Variants in SASH1 observed in about 807,000 individuals in gnomAD.
The protein encoded by SASH1 is SAM and SH3 domain-containing protein 1.
A neutral mutation model predicts 125.2 loss-of-function variants in SASH1; 44 were observed. That is an observed-to-expected ratio of 0.35 (90% CI 0.28 to 0.45). The LOEUF is 0.45. Among genes scored for constraint, SASH1 ranks in the 20% least tolerant of loss-of-function variants. The pLI, the probability that SASH1 is intolerant of heterozygous loss-of-function variation, is 1.00. For missense variants in SASH1, 1,426 were observed against 1,614.5 expected (o/e 0.88, Z 2.00); for synonymous variants, 639 against 649.1 (o/e 0.98, Z 0.24).
intron 1 of SASH1, among the ~76,000 whole-genome samples, chr6:148,307,094 T>TTCTCTCTC: frequency 8.3e-6 from 1 of 120,758 alleles, no homozygotes; most frequent in Middle Eastern, 4.3e-3. Context: ...CTTTCTTTCT[T>TTCTCTCTC]TCTCTCTCTC....
At chr6:148,323,760 C>T (rs1199681989) in intron 1 of SASH1, among the ~76,000 whole-genome samples, 1 of 152,066 alleles carries the variant, frequency 6.6e-6, no homozygotes, top group East Asian at 1.9e-4. Context: ...AGGCACTGCT[C>T]AGGCATACAT....
intron 1 of SASH1, among the ~76,000 whole-genome samples, chr6:148,300,281 G>A (rs1367110797): frequency 2.0e-5 from 3 of 152,004 alleles, no homozygotes; most frequent in Non-Finnish European, 4.4e-5. Flanking sequence ...CAGGTTGGAA[G>A]GATGTTAAAA....
rs566907639 is a variant in SASH1 at position 148,334,485 on chromosome 6, G to A, written n.75-55649G>A. Among the ~76,000 whole-genome samples the A allele has an allele frequency of 4.0e-5, 6 of 148,406 alleles. No individual in the cohort carries two copies. The South Asian group carries it at 1.1e-3, about 26-fold the overall frequency. ...AGTGTGGTCTCCAGTGATGGTAATG[G>A]AGGTGAAGGGAAGTGGATGACTTTG... On this transcript the variant is annotated intron_variant and non_coding_transcript_variant, in intron 1 of 3. Transcript: ENST00000367469.
chr6:148,395,715 C>T (rs1783922296), intron 2 of SASH1, among the ~76,000 whole-genome samples: 2 of 152,166 alleles, frequency 1.3e-5, no homozygotes, highest in African/African-American at 4.8e-5. Flanking sequence ...TATCTCTCCA[C>T]ATTTGGCACA....
At chr6:148,302,004 A>G (rs1446145354) in intron 1 of SASH1, among the ~76,000 whole-genome samples, 1 of 151,772 alleles carries the variant, frequency 6.6e-6, no homozygotes, top group African/African-American at 2.4e-5. Context: ...AAATTTCATC[A>G]TTTACAAGAC....
intron 2 of SASH1, among the ~76,000 whole-genome samples, chr6:148,432,120 C>A (rs1180804708): frequency 6.6e-6 from 1 of 152,012 alleles, no homozygotes; most frequent in African/African-American, 2.4e-5. Context: ...AGATTACAGG[C>A]CTGTGCCACC....
chr6:148,412,557 G>A (rs1028734426), intron 2 of SASH1, among the ~76,000 whole-genome samples: 2 of 152,174 alleles, frequency 1.3e-5, no homozygotes, highest in Non-Finnish European at 2.9e-5. Flanking sequence ...TGCTATAAAG[G>A]AATACCTGAG....
the SASH1 span, among the ~76,000 whole-genome samples, chr6:148,211,684 C>A: frequency 6.6e-6 from 1 of 152,096 alleles, no homozygotes; most frequent in Non-Finnish European, 1.5e-5. Flanking sequence ...GTAACATGCC[C>A]AAGTTCACAC....
the SASH1 span, among the ~76,000 whole-genome samples, chr6:148,264,606 G>A: frequency 1.3e-5 from 2 of 151,682 alleles, no homozygotes; most frequent in African/African-American, 4.9e-5. Context: ...CTCTTGTCAT[G>A]TTGTCCACAC....
chr6:148,315,377 A>G (rs979870722), intron 1 of SASH1, among the ~76,000 whole-genome samples: 8 of 152,160 alleles, frequency 5.3e-5, no homozygotes, highest in African/African-American at 1.9e-4. Context: ...GACCCCATTT[A>G]ATAACTAAGA....
upstream of SASH1, among the ~76,000 whole-genome samples, chr6:148,338,750 A>G (rs12661375): frequency 0.29 from 44,393 of 151,688 alleles, 6,598 homozygotes; most frequent in South Asian, 0.42. Flanking sequence ...CATCTCTGTA[A>G]TCCCAGCACT....
chr6:148,434,888 A>G (rs766824801), intron 2 of SASH1, among the ~76,000 whole-genome samples: 2 of 152,126 alleles, frequency 1.3e-5, no homozygotes, highest in African/African-American at 2.4e-5. Context: ...AGCAAAGTTT[A>G]TGTGCATATC....
chr6:148,493,621 T>G (rs528973282), intron 8 of SASH1, among the ~76,000 whole-genome samples: 52 of 152,332 alleles, frequency 3.4e-4, no homozygotes, highest in African/African-American at 1.1e-3. Flanking sequence ...TTCATTTGCA[T>G]TGATTTCATA....
intron 1 of SASH1, among the ~76,000 whole-genome samples, chr6:148,331,548 C>T (rs892981840): frequency 1.3e-5 from 2 of 152,134 alleles, no homozygotes; most frequent in East Asian, 1.9e-4. Context: ...CCAGGCTGGT[C>T]TCTAACTCCT....
chr6:148,364,190 C>T (rs1479662176), intron 1 of SASH1, among the ~76,000 whole-genome samples: 1 of 152,158 alleles, frequency 6.6e-6, no homozygotes, highest in Non-Finnish European at 1.5e-5. Flanking sequence ...CCATCACTTC[C>T]CTTTGGAGAT....
rs146911779 is a variant in SASH1, at chr6:148,464,964, G to C, written c.387-3581G>C. Among the ~76,000 whole-genome samples, 1,304 of 152,250 alleles carry C rather than the reference G, an allele frequency of 8.6e-3. 1 individual carries two copies. Among genetic ancestry groups the C allele is most frequent in the South Asian group, 0.013 (63 of 4,828 alleles). On this transcript the variant is annotated intron_variant, in intron 4 of 19. Transcript: ENST00000367467. ...GGCATCCTGGGGAAGTTCAAGCAAT[G>C]CCTGGGCCAAGTCCAAACCGGAGGA...
chr6:148,241,263 A>G, the SASH1 span, among the ~76,000 whole-genome samples: 4 of 152,236 alleles, frequency 2.6e-5, no homozygotes, highest in South Asian at 8.3e-4. Flanking sequence ...TCGCCTTCTC[A>G]TCCAGGCTAT....
intron 1 of SASH1, among the ~76,000 whole-genome samples, chr6:148,354,672 A>G (rs912891411): frequency 2.6e-5 from 4 of 152,178 alleles, no homozygotes; most frequent in South Asian, 2.1e-4. Flanking sequence ...TTGACCACAC[A>G]TTTCAGCGTG....
rs1391194675 is a variant in SASH1 at position 148,549,744 on chromosome 6, A to G, written c.*1186A>G. The G allele has an allele frequency of 1.0e-5, 4 of 394,686 alleles. No individual in the cohort carries two copies. The highest frequency in any genetic ancestry group is 1.8e-5 in the Non-Finnish European group (4 of 223,818). 24.4% of individuals were successfully genotyped at this position (394,686 alleles called of 1,614,324 possible). A position where few individuals can be genotyped will look rare whatever the true frequency, so the allele number is the denominator to read the frequency against. On this transcript the variant is annotated 3_prime_UTR_variant, in exon 20 of 20. Coordinates refer to ENST00000367467, the MANE Select transcript of SASH1 (RefSeq NM_015278.5). ...AAAGGTTCACTATGGAACCAGACAA[A>G]TCTCATTAGCCATGTGTTAAGTATT...
Sources: allele counts gnomAD v4.1 joint callset (sites outside exome capture counted in the v4.1 genomes callset), GRCh38; gene constraint gnomAD v4.1.1; transcripts MANE v1.5; gene names NCBI Gene and HGNC (gene_info 2026-07-23, HGNC 2026-07-21).